Variants in CBX2 observed in about 807,000 individuals in gnomAD.
The protein encoded by CBX2 is chromobox 2.
Under a neutral mutation model 21.0 loss-of-function variants are expected in CBX2, and 11 were observed. That is an observed-to-expected ratio of 0.52 (90% CI 0.33 to 0.87). CBX2 has a LOEUF of 0.87. Among genes scored for constraint, CBX2 ranks in the 40% least tolerant of loss-of-function variants. CBX2 has a pLI of 0.02. For synonymous variants in CBX2, 364 were observed against 304.6 expected (o/e 1.19, Z -2.03); for missense variants, 746 against 724.3 (o/e 1.03, Z -0.34).
rs974915922 is a variant in CBX2, at chr17:79,785,180, G to T, written c.*138G>T. ...AGTGGGTGGCCTCCTTGATGGGCAG[G>T]CTTGGAAGGGACTTCTCCCGCACCC... On this transcript the variant is annotated 3_prime_UTR_variant, in exon 5 of 5. Coordinates refer to ENST00000310942, the MANE Select transcript of CBX2 (RefSeq NM_005189.3). The T allele has an allele frequency of 2.8e-6, 2 of 727,086 alleles. No individual in the cohort carries two copies. Among genetic ancestry groups the T allele is most frequent in the African/African-American group, 1.7e-5 (1 of 57,418 alleles). 45.0% of individuals were successfully genotyped at this position (727,086 alleles called of 1,614,324 possible).
In CBX2 at chr17:79,783,955, C is replaced by A; in HGVS notation, c.512C>A (p.Pro171Gln). Residue 171 changes from proline to glutamine, a missense_variant, in exon 5 of 5, where the codon CCA (proline) becomes CAA (glutamine). Pro to Gln is a moderately conservative substitution (Grantham distance 76). Transcript: ENST00000310942. Reference protein sequence around the residue: ...RKKRGRKPLPPEQKATRRPVS... With the variant: ...RKKRGRKPLPQEQKATRRPVS... ...AAGCGGGGACGAAAGCCCCTGCCCC[C>A]AGAGCAAAAGGCAACCCGAAGACCC... is the stretch of plus-strand genomic sequence containing the variant. The A allele has an allele frequency of 6.2e-7, 1 of 1,613,892 alleles. No individual in the cohort carries two copies. The highest frequency in any genetic ancestry group is 1.6e-4 in the Middle Eastern group (1 of 6,062).
intron 4 of CBX2, among the ~76,000 whole-genome samples, chr17:79,782,888 G>A (rs936117145): frequency 6.6e-6 from 1 of 152,128 alleles, no homozygotes; most frequent in Non-Finnish European, 1.5e-5. Context: ...AAAACACAAG[G>A]ACACTCTTAT....
rs782251982 is a variant in CBX2 at position 79,784,564 on chromosome 17, A to ACGCCAC, written c.1129_1134dup (p.Ala377_Thr378dup). ...CCCGGGGTGGGTCTCCTTGCCCGCC[A>ACGCCAC]CGCCACCGCCACCAAGGGTGTCCCG... On this transcript the variant is annotated inframe_insertion, in exon 5 of 5. Coordinates refer to ENST00000310942, the MANE Select transcript of CBX2 (RefSeq NM_005189.3). This position sits in a 1 kb window ranked among gnomAD's most constrained non-coding sequence, Gnocchi z 5.9. 1 of 1,612,506 alleles carries ACGCCAC rather than the reference A, an allele frequency of 6.2e-7. No homozygotes were observed. The highest frequency in any genetic ancestry group is 8.5e-7 in the Non-Finnish European group (1 of 1,179,856).
At position 79,785,422 on chromosome 17, in the gene CBX2, G is replaced by A. The variant is rs1907570319; in HGVS notation, c.*380G>A. The A allele has an allele frequency of 1.6e-5, 5 of 306,584 alleles. No individual in the cohort carries two copies. The South Asian group carries it at 1.9e-4, about 11-fold the overall frequency. The allele number at this position is 306,584 out of a possible 1,614,324, so 19.0% of individuals were successfully genotyped here. A position where few individuals can be genotyped will look rare whatever the true frequency, so the allele number is the denominator to read the frequency against. On this transcript the variant is annotated 3_prime_UTR_variant, in exon 5 of 5. Transcript: ENST00000310942. Reference sequence around the variant, plus strand: ...CCCTGGCCTGCGTGACTGAATCACAGCTTTGGTCCCTGTCTTGCAGGGGCT... The same window carrying A: ...CCCTGGCCTGCGTGACTGAATCACAACTTTGGTCCCTGTCTTGCAGGGGCT...
rs1005254079 is a variant in CBX2 at position 79,787,234 on chromosome 17, C to T, written c.*2192C>T. The stretch of plus-strand genomic sequence containing the variant: ...CACTGCTCCAAAGCCAGACTAACAG[C>T]TCTCCAAGCCCTTGGGGTGACTCGG... On this transcript the variant is annotated 3_prime_UTR_variant, in exon 5 of 5. Coordinates refer to ENST00000310942, the MANE Select transcript of CBX2 (RefSeq NM_005189.3). The T allele has an allele frequency of 6.6e-6, 1 of 152,544 alleles. No homozygotes were observed. Among genetic ancestry groups the T allele is most frequent in the Non-Finnish European group, 1.5e-5 (1 of 68,082 alleles). 9.4% of individuals were successfully genotyped at this position (152,544 alleles called of 1,614,324 possible). A position where few individuals can be genotyped will look rare whatever the true frequency, so the allele number is the denominator to read the frequency against.
intron 4 of CBX2, chr17:79,782,204 ACTCCGGGCCCAC>A: frequency 6.2e-7 from 1 of 1,609,430 alleles, no homozygotes; most frequent in Non-Finnish European, 8.5e-7. Flanking sequence ...TTTGGGGGCT[ACTCCGGGCCCAC>A]CTGCGGGTGC....
At chr17:79,783,294 T>C (rs1907371359) in intron 4 of CBX2, among the ~76,000 whole-genome samples, 1 of 152,192 alleles carries the variant, frequency 6.6e-6, no homozygotes, top group Admixed American at 6.5e-5. Context: ...TGACTGCCTC[T>C]CTGGTCTGGA....
In CBX2 at chr17:79,787,525, TGTCTTATGTTTACCAATAAATAAAA is replaced by T. The variant is rs1907721550; in HGVS notation, c.*2486_*2510del. 6.6e-6 allele frequency: 1 copy of T among 152,658 alleles called. No individual in the cohort carries two copies. Among genetic ancestry groups the T allele is most frequent in the Non-Finnish European group, 1.5e-5 (1 of 68,054 alleles). The allele number at this position is 152,658 out of a possible 1,614,324, so 9.5% of individuals were successfully genotyped here. On this transcript the variant is annotated 3_prime_UTR_variant, in exon 5 of 5. Transcript: ENST00000310942. ...ACTGCACCAGATGCTCAGACTTGGTTGTCTTATGTTTACCAATAAATAAAAGTAGACTTTTTCTATTTTTATTTGC... is the reference window on the plus strand; with the variant it reads ...ACTGCACCAGATGCTCAGACTTGGTTGTAGACTTTTTCTATTTTTATTTGC...
intron 4 of CBX2, 46 bp downstream of exon 4, chr17:79,781,847 C>T (rs200854464): frequency 1.2e-6 from 2 of 1,614,002 alleles, no homozygotes; most frequent in East Asian, 2.2e-5. Context: ...CCAGCACCCC[C>T]TTGGCGTAGG....
In CBX2 at chr17:79,783,646, G is replaced by A. The variant is rs1451069369; in HGVS notation, c.289-86G>A. On this transcript the variant is annotated intron_variant, in intron 4 of 4. Coordinates refer to ENST00000310942, the MANE Select transcript of CBX2 (RefSeq NM_005189.3). The stretch of plus-strand genomic sequence containing the variant: ...GCTGGTCTTGAACTCCTGACCTCAG[G>A]TGATCCACCCGCTTCGGCCTCCCAA... 7.6e-6 allele frequency: 9 copies of A among 1,183,480 alleles called. No homozygotes were observed. The Admixed American group carries it at 9.9e-5, about 13-fold the overall frequency. 73.3% of individuals were successfully genotyped at this position (1,183,480 alleles called of 1,614,324 possible).
At chr17:79,782,739 T>G (rs1025289348) in intron 4 of CBX2, among the ~76,000 whole-genome samples, 13 of 152,188 alleles carry the variant, frequency 8.5e-5, no homozygotes, top group African/African-American at 3.1e-4. Flanking sequence ...AGGCAGTGAT[T>G]GATGCCTTGT....
At chr17:79,779,263 C>T in intron 2 of CBX2, 99 bp from the exon 3 acceptor site, 1 of 1,177,214 alleles carries the variant, frequency 8.5e-7, no homozygotes, top group Non-Finnish European at 1.2e-6. Context: ...TGCCATCGGC[C>T]CAAGTCGAGG....
At chr17:79,782,747 TGTTTGAGGAG>T (rs1247762130) in intron 4 of CBX2, among the ~76,000 whole-genome samples, 1 of 152,102 alleles carries the variant, frequency 6.6e-6, no homozygotes, top group Admixed American at 6.5e-5. Context: ...ATTGATGCCT[TGTTTGAGGAG>T]GTTTGAGGAG....
chr17:79,779,268 T>G, intron 2 of CBX2, 94 bp from the exon 3 acceptor site: 1 of 1,222,122 alleles, frequency 8.2e-7, no homozygotes, highest in Non-Finnish European at 1.2e-6. Context: ...TCGGCCCAAG[T>G]CGAGGAGCGG....
intron 4 of CBX2, chr17:79,782,383 C>T (rs1907294017): frequency 1.4e-5 from 19 of 1,403,506 alleles, no homozygotes; most frequent in African/African-American, 1.4e-5. Context: ...GTGATGGGCT[C>T]ACCCCGCCAC....
intron 4 of CBX2, chr17:79,782,380 GC>G: frequency 7.1e-6 from 10 of 1,410,104 alleles, no homozygotes; most frequent in Non-Finnish European, 9.3e-6. Context: ...ACAGTGATGG[GC>G]TCACCCCGCC....
At position 79,781,213 on chromosome 17, in the gene CBX2, G is replaced by A. The variant is rs116187306; in HGVS notation, c.183-483G>A. Among the ~76,000 whole-genome samples the A allele has an allele frequency of 6.9e-3, 1,057 of 152,282 alleles. 15 individuals carry two copies. The highest frequency in any genetic ancestry group is 0.025 in the African/African-American group (1,029 of 41,540). On this transcript the variant is annotated intron_variant, in intron 3 of 4. Transcript: ENST00000310942. ...TCATGTGCCAGCAGCCAGGCTCTGCGAGGGCTGGAGGACAGGGCCCACGGT... is the reference window on the plus strand; with the variant it reads ...TCATGTGCCAGCAGCCAGGCTCTGCAAGGGCTGGAGGACAGGGCCCACGGT...
chr17:79,784,463 C>A lies in CBX2; in HGVS notation c.1020C>A (p.Cys340Ter), dbSNP rs1555831235. ...THGASRVPAG[C>*]PGPQPAPTQE... The stretch of plus-strand genomic sequence containing the variant: ...GTGCCAGCAGGGTGCCTGCTGGGTG[C>A]CCAGGCCCCCAGCCAGCACCCACCC... The change falls in exon 5 of 5, where the codon TGC becomes TGA. Residue 340 changes from cysteine (C) to a stop codon, truncating the protein, a stop_gained. Coordinates refer to ENST00000310942, the MANE Select transcript of CBX2 (RefSeq NM_005189.3). LOFTEE classifies it low-confidence loss of function (END_TRUNC). This position sits in a 1 kb window ranked among gnomAD's most constrained non-coding sequence, Gnocchi z 5.9. The A allele has an allele frequency of 6.2e-7, 1 of 1,612,094 alleles. No homozygotes were observed. The highest frequency in any genetic ancestry group is 1.3e-5 in the African/African-American group (1 of 74,896).
chr17:79,781,558 A>G (rs1390644015), intron 3 of CBX2, 138 bp from the exon 4 acceptor site: 3 of 779,720 alleles, frequency 3.8e-6, no homozygotes, highest in Non-Finnish European at 6.9e-6. Flanking sequence ...TGCCTTGGGT[A>G]TTTGATGATG....
Sources: gnomAD v4.1 joint callset for allele counts (sites outside exome capture counted in the v4.1 genomes callset) on GRCh38, gnomAD v4.1.1 for gene constraint, Gnocchi (gnomAD v3.1) non-coding constraint, MANE v1.5 for transcripts, NCBI Gene and HGNC (gene_info 2026-07-23, HGNC 2026-07-21) for gene names.